CARMIL1: variants seen among roughly 807,000 people sequenced by gnomAD.
The protein encoded by CARMIL1 is F-actin-uncapping protein LRRC16A.
A neutral mutation model predicts 177.1 loss-of-function variants in CARMIL1; 90 were observed. The ratio of observed to expected loss-of-function variants is 0.51; its 90% confidence interval spans 0.43 to 0.61. The LOEUF (loss-of-function observed/expected upper bound fraction) is 0.61. Ranked by LOEUF, CARMIL1 falls within the 20% of genes least tolerant of loss-of-function variation. CARMIL1 has a pLI of 0.00. For missense variants in CARMIL1, 1,380 were observed against 1,667.0 expected (o/e 0.83, Z 3.00); for synonymous variants, 577 against 606.2 (o/e 0.95, Z 0.71).
chr6:25,484,969 A>G (rs904708741), intron 12 of CARMIL1, among the ~76,000 whole-genome samples: 1 of 152,176 alleles, frequency 6.6e-6, no homozygotes, highest in African/African-American at 2.4e-5. Flanking sequence ...CAGGAGTTTC[A>G]GGTTGCAGTG....
At chr6:25,544,924 A>G (rs369596353) in intron 26 of CARMIL1, among the ~76,000 whole-genome samples, 8 of 152,258 alleles carry the variant, frequency 5.3e-5, no homozygotes, top group South Asian at 4.1e-4. Flanking sequence ...GTATTGTCCA[A>G]TGTGTTACAC....
At chr6:25,377,853 A>G (rs535955677) in intron 2 of CARMIL1, among the ~76,000 whole-genome samples, 1 of 152,232 alleles carries the variant, frequency 6.6e-6, no homozygotes, top group South Asian at 2.1e-4. Context: ...GGTGCTTGCA[A>G]AAGAGTACCA....
intron 2 of CARMIL1, among the ~76,000 whole-genome samples, chr6:25,382,643 G>A (rs938402052): frequency 6.6e-6 from 1 of 152,084 alleles, no homozygotes; most frequent in Non-Finnish European, 1.5e-5. Context: ...TAGACACAGA[G>A]TGCTGATTGG....
At chr6:25,286,909 A>G (rs1240488544) in intron 2 of CARMIL1, among the ~76,000 whole-genome samples, 4 of 152,228 alleles carry the variant, frequency 2.6e-5, no homozygotes, top group Non-Finnish European at 5.9e-5. Flanking sequence ...AACAGCTGGA[A>G]TTGATTAAAG....
chr6:25,522,367 C>T (rs2151081569), intron 23 of CARMIL1, among the ~76,000 whole-genome samples: 1 of 152,320 alleles, frequency 6.6e-6, no homozygotes, highest in East Asian at 1.9e-4. Flanking sequence ...CTGTACACTT[C>T]CCACTTCATC....
intron 2 of CARMIL1, among the ~76,000 whole-genome samples, chr6:25,405,501 A>G (rs1794281132): frequency 6.6e-6 from 1 of 152,224 alleles, no homozygotes; most frequent in Admixed American, 6.5e-5. Flanking sequence ...ATCCTTTATT[A>G]AAGTGGATTT....
chr6:25,523,029 A>G (rs947530225), intron 23 of CARMIL1, among the ~76,000 whole-genome samples: 2 of 152,124 alleles, frequency 1.3e-5, no homozygotes, highest in Non-Finnish European at 2.9e-5. Context: ...AAACTCCTGC[A>G]CTCAAGTAAT....
rs1235653814 is a variant in CARMIL1, at chr6:25,495,860, A to C, written c.1325+645A>C. Among the ~76,000 whole-genome samples, 4 of 152,124 alleles carry C rather than the reference A, an allele frequency of 2.6e-5. No homozygotes were observed. The East Asian group carries it at 7.7e-4, about 29-fold the overall frequency. On this transcript the variant is annotated intron_variant, in intron 16 of 36. Transcript: ENST00000329474. ...AGAAAGAGTCAAAAGTTTAGTGTAC[A>C]AGTTCAGTGAATTTGACTGTAGGGT...
At chr6:25,547,366 A>G (rs1809606808) in intron 26 of CARMIL1, among the ~76,000 whole-genome samples, 2 of 152,212 alleles carry the variant, frequency 1.3e-5, no homozygotes, top group Non-Finnish European at 2.9e-5. Context: ...ACACATATAA[A>G]GAAGAACAAG....
At chr6:25,442,789 C>T (rs527343141) in intron 5 of CARMIL1, among the ~76,000 whole-genome samples, 5 of 152,156 alleles carry the variant, frequency 3.3e-5, no homozygotes, top group South Asian at 2.1e-4. Flanking sequence ...CCGCTGGACA[C>T]GTCTGCAGGT....
intron 2 of CARMIL1, among the ~76,000 whole-genome samples, chr6:25,333,398 G>GCAAAAAATA (rs1785897063): frequency 6.6e-6 from 1 of 151,876 alleles, no homozygotes; most frequent in Non-Finnish European, 1.5e-5. Context: ...CCCCTTCTCT[G>GCAAAAAATA]CAAAAAATAC....
chr6:25,531,984 T>C (rs1026436816), intron 24 of CARMIL1, among the ~76,000 whole-genome samples: 2 of 152,224 alleles, frequency 1.3e-5, no homozygotes, highest in East Asian at 3.8e-4. Flanking sequence ...TTGCCCAGGC[T>C]GGTCTCAAAC....
chr6:25,571,041 G>T (rs1183826830), intron 29 of CARMIL1, among the ~76,000 whole-genome samples: 1 of 152,040 alleles, frequency 6.6e-6, no homozygotes, highest in African/African-American at 2.4e-5. Context: ...AACTACAAAT[G>T]TGATAATACT....
intron 2 of CARMIL1, among the ~76,000 whole-genome samples, chr6:25,390,577 C>T (rs765121395): frequency 6.6e-6 from 1 of 151,748 alleles, no homozygotes; most frequent in Non-Finnish European, 1.5e-5. Flanking sequence ...CTGCCTCAGC[C>T]TCCCAAAGTG....
At chr6:25,298,589 G>T (rs1782611288) in intron 2 of CARMIL1, among the ~76,000 whole-genome samples, 1 of 151,672 alleles carries the variant, frequency 6.6e-6, no homozygotes, top group African/African-American at 2.4e-5. Flanking sequence ...TTAGATATAT[G>T]CTCAAGTCCC....
At chr6:25,471,300 C>T in intron 10 of CARMIL1, 43 bp downstream of exon 10, 1 of 1,378,410 alleles carries the variant, frequency 7.3e-7, no homozygotes, top group African/African-American at 1.5e-5. Context: ...CTTTAAAACT[C>T]TGTGCCATTT....
chr6:25,600,515 C>G lies in CARMIL1; in HGVS notation c.3321C>G (p.Pro1107=). 2 of 1,614,036 alleles carry G rather than the reference C, an allele frequency of 1.2e-6. No homozygotes were observed. The highest frequency in any genetic ancestry group is 1.1e-5 in the South Asian group (1 of 91,088). The change falls in exon 33 of 37, where the codon CCC becomes CCG. Residue 1107 remains proline, a synonymous_variant. Transcript: ENST00000329474. ...GAVRSPPVDC[P]RKDTKAAEHN... Reference sequence around the variant, plus strand: ...TCAGAAGTCCACCTGTGGACTGTCCCAGGAAGGACACAAAGGCCGCCGAGC... The same window carrying G: ...TCAGAAGTCCACCTGTGGACTGTCCGAGGAAGGACACAAAGGCCGCCGAGC...
At chr6:25,605,663 A>G (rs967713212) in intron 34 of CARMIL1, among the ~76,000 whole-genome samples, 2 of 152,192 alleles carry the variant, frequency 1.3e-5, no homozygotes, top group African/African-American at 4.8e-5. Flanking sequence ...CTAACTGCTT[A>G]TTGTCCAGAA....
chr6:25,436,545 A>T (rs143649915), intron 5 of CARMIL1, among the ~76,000 whole-genome samples: 1 of 152,318 alleles, frequency 6.6e-6, no homozygotes, highest in African/African-American at 2.4e-5. Flanking sequence ...AGGAAAACCT[A>T]GGCTTCTAGT....
Sources: gnomAD v4.1 joint callset for allele counts (sites outside exome capture counted in the v4.1 genomes callset) on GRCh38, gnomAD v4.1.1 for gene constraint, MANE v1.5 for transcripts, NCBI Gene and HGNC (gene_info 2026-07-23, HGNC 2026-07-21) for gene names.